The following KALRN variants were observed in gnomAD, a reference collection of about 807,000 sequenced individuals.
The protein encoded by KALRN is kalirin RhoGEF kinase, also known as kalirin.
Under a neutral mutation model 353.7 loss-of-function variants are expected in KALRN, and 70 were observed. The ratio of observed to expected loss-of-function variants is 0.20; its 90% CI spans 0.16 to 0.24. The LOEUF (loss-of-function observed/expected upper bound fraction) is 0.24, where lower values mean the gene tolerates loss of function less well. Among genes scored for constraint, KALRN ranks in the 10% least tolerant of loss-of-function variants. The pLI is 1.00. For missense variants in KALRN, 2,791 were observed against 3,756.7 expected (o/e 0.74, Z 6.72); for synonymous variants, 1,391 against 1,434.8 (o/e 0.97, Z 0.69).
chr3:124,406,752 G>T (rs2091583513), intron 13 of KALRN, among the ~76,000 whole-genome samples: 1 of 150,920 alleles, frequency 6.6e-6, no homozygotes, highest in Non-Finnish European at 1.5e-5. Context: ...CAAGTGTGTA[G>T]TATTTTGAGT....
intron 12 of KALRN, among the ~76,000 whole-genome samples, chr3:124,397,020 T>C (rs1349295153): frequency 6.6e-6 from 1 of 152,224 alleles, no homozygotes; most frequent in Admixed American, 6.5e-5. Flanking sequence ...TGACACTTGT[T>C]ACTAGAGCAC....
intron 1 of KALRN, among the ~76,000 whole-genome samples, chr3:124,216,465 A>G (rs553476042): frequency 5.3e-5 from 8 of 152,336 alleles, no homozygotes; most frequent in Admixed American, 3.9e-4. Context: ...AGAAAAATGG[A>G]CACATATGGA....
intron 34 of KALRN, among the ~76,000 whole-genome samples, chr3:124,580,278 G>A (rs1310539734): frequency 6.7e-6 from 1 of 150,298 alleles, no homozygotes; most frequent in Non-Finnish European, 1.5e-5. Flanking sequence ...AAACTATGCT[G>A]CGTATTACAG....
chr3:124,657,300 A>T (rs889745484), intron 39 of KALRN, 148 bp from the exon 40 acceptor site: 1 of 617,194 alleles, frequency 1.6e-6, no homozygotes, highest in Non-Finnish European at 2.9e-6. Flanking sequence ...GGGGTTAAAG[A>T]CCTGGTTGAA....
chr3:124,707,440 T>TCCTC (rs2062686208), intron 57 of KALRN, among the ~76,000 whole-genome samples: 1 of 149,332 alleles, frequency 6.7e-6, no homozygotes, highest in Non-Finnish European at 1.5e-5. Flanking sequence ...CTTCCTTCCT[T>TCCTC]CCTTCCCTCC....
chr3:124,232,744 T>C (rs2148552273), intron 2 of KALRN, among the ~76,000 whole-genome samples: 1 of 152,266 alleles, frequency 6.6e-6, no homozygotes, highest in South Asian at 2.1e-4. Flanking sequence ...CCAGGCTTTC[T>C]CTTCTAACTC....
intron 33 of KALRN, among the ~76,000 whole-genome samples, chr3:124,556,423 T>C (rs1319206980): frequency 1.3e-5 from 2 of 152,170 alleles, no homozygotes; most frequent in South Asian, 2.1e-4. Context: ...TTATAATCAA[T>C]TCAAGATAAA....
chr3:124,130,260 A>C (rs1270637331), intron 1 of KALRN, among the ~76,000 whole-genome samples: 1 of 152,200 alleles, frequency 6.6e-6, no homozygotes, highest in East Asian at 1.9e-4. Context: ...AGGAGGAGAG[A>C]GTGAAATCCT....
chr3:124,479,914 A>C (rs2108173668), intron 27 of KALRN, among the ~76,000 whole-genome samples: 1 of 152,052 alleles, frequency 6.6e-6, no homozygotes, highest in Non-Finnish European at 1.5e-5. Context: ...TAGTAGAGAC[A>C]GGGTTTCACC....
chr3:124,479,357 G>A (rs558676985), intron 27 of KALRN, among the ~76,000 whole-genome samples: 69 of 152,296 alleles, frequency 4.5e-4, no homozygotes, highest in African/African-American at 1.5e-3. Flanking sequence ...CCCTGGAAGC[G>A]GGGACAGAAG....
Position 124,096,842 on chromosome 3 carries a change from G to T in KALRN, c.73+63029G>T, listed in dbSNP as rs117178844. Among the ~76,000 whole-genome samples the T allele has an allele frequency of 3.9e-5, 6 of 152,342 alleles. No homozygotes were observed. In the East Asian group the frequency reaches 7.7e-4, roughly 20 times the overall value. On this transcript the variant is annotated intron_variant, in intron 1 of 59. Transcript: ENST00000682506. ...ATACAGTGTCAGGCGTTTTGGAAAT[G>T]TCAGGTTAATGAATTTATGGGTTGA...
At chr3:124,700,642 A>T (rs2062277450) in intron 56 of KALRN, among the ~76,000 whole-genome samples, 1 of 152,218 alleles carries the variant, frequency 6.6e-6, no homozygotes, top group Non-Finnish European at 1.5e-5. Context: ...ACATTTTGAA[A>T]GAGAAAACTT....
chr3:124,454,029 GAACAAACTCTTGCTAA>G (rs1260816840), intron 21 of KALRN, among the ~76,000 whole-genome samples: 2 of 152,150 alleles, frequency 1.3e-5, no homozygotes. Flanking sequence ...AGTAGGTATT[GAACAAACTCTTGCTAA>G]AAATGAAATT....
chr3:124,495,988 T>TATATATATATATATAC lies in KALRN; in HGVS notation c.4833-308_4833-307insCATATATATATATATA, dbSNP rs2063751665. On this transcript the variant is annotated intron_variant, in intron 32 of 59. Coordinates refer to ENST00000682506, the MANE Select transcript of KALRN (RefSeq NM_001388419.1). Reference sequence around the variant, plus strand: ...ATGTATATATATATATATATATATATATATATATATATATATATATATATA... The same window carrying TATATATATATATATAC: ...ATGTATATATATATATATATATATATATATATATATATATACATATATATATATATATATATATATA... 1.1e-4 allele frequency among the ~76,000 whole-genome samples: 6 copies of TATATATATATATATAC among 53,720 alleles called. 1 individual carries two copies. The East Asian group carries it at 3.8e-3, about 34-fold the overall frequency. The allele number at this position is 53,720 out of a possible 152,430, so 35.2% of individuals were successfully genotyped here. A position where few individuals can be genotyped will look rare whatever the true frequency, so the allele number is the denominator to read the frequency against.
At chr3:124,132,499 A>G (rs2065421239) in intron 1 of KALRN, among the ~76,000 whole-genome samples, 1 of 152,160 alleles carries the variant, frequency 6.6e-6, no homozygotes, top group Non-Finnish European at 1.5e-5. Context: ...TCCTGGCCTG[A>G]GCTTTTCAAG....
intron 45 of KALRN, among the ~76,000 whole-genome samples, chr3:124,664,083 A>C (rs1306606789): frequency 6.6e-6 from 1 of 152,114 alleles, no homozygotes; most frequent in African/African-American, 2.4e-5. Context: ...CTGAGTTCTT[A>C]ACCATTTTTC....
chr3:124,558,481 G>A (rs1432181119), intron 33 of KALRN, among the ~76,000 whole-genome samples: 2 of 152,182 alleles, frequency 1.3e-5, no homozygotes, highest in South Asian at 2.1e-4. Flanking sequence ...GTTTCAACAT[G>A]TTGGCCAGGC....
intron 10 of KALRN, among the ~76,000 whole-genome samples, chr3:124,384,383 CCAGTGGT>C (rs1560756519): frequency 6.6e-6 from 1 of 152,156 alleles, no homozygotes; most frequent in East Asian, 1.9e-4. Context: ...AAGATAAACA[CCAGTGGT>C]TACAGGGAAC....
At chr3:124,451,168 T>C (rs2058741458) in intron 21 of KALRN, among the ~76,000 whole-genome samples, 1 of 151,950 alleles carries the variant, frequency 6.6e-6, no homozygotes, top group Non-Finnish European at 1.5e-5. Flanking sequence ...TTGTAAAATG[T>C]GCTAAAGTCA....
Sources: gnomAD v4.1 joint callset for allele counts (sites outside exome capture counted in the v4.1 genomes callset) on GRCh38, gnomAD v4.1.1 for gene constraint, MANE v1.5 for transcripts, NCBI Gene and HGNC (gene_info 2026-07-23, HGNC 2026-07-21) for gene names.